ANGPT2: variants seen among roughly 807,000 people sequenced by gnomAD.
ANGPT2 encodes the protein angiopoietin 2.
ANGPT2 carries 28 observed loss-of-function variants against 62.9 expected under a neutral mutation model. The observed-to-expected ratio is 0.44, with a 90% CI of 0.33 to 0.61. The LOEUF (loss-of-function observed/expected upper bound fraction) is 0.61, where lower values mean the gene tolerates loss of function less well. ANGPT2 is among the 20% of genes least tolerant of loss of function. The probability of loss-of-function intolerance (pLI) is 0.03; values close to 1 mark genes in which losing one functional copy is unlikely to be tolerated. For missense variants in ANGPT2, 727 were observed against 594.9 expected (o/e 1.22, Z -2.31); for synonymous variants, 284 against 207.8 (o/e 1.37, Z -3.15).
chr8:6,527,660 G>C lies in ANGPT2; in HGVS notation c.461C>G (p.Thr154Arg). The C allele has an allele frequency of 6.2e-7, 1 of 1,613,610 alleles. No individual in the cohort carries two copies. The highest frequency in any genetic ancestry group is 8.5e-7 in the Non-Finnish European group (1 of 1,179,702). ...DVEAQVLNQTTRLELQLLEHS... is the reference protein window; with the variant it reads ...DVEAQVLNQTRRLELQLLEHS... ...TTCCAAGAGCTGAAGTTCAAGTCTC[G>C]TGGTCTGATTTAATACCTAAATGTA... Residue 154 changes from threonine (T) to arginine (R), a missense_variant, in exon 3 of 9, where the codon ACG (threonine) becomes AGG (arginine). Physicochemically the swap from Thr to Arg is moderately conservative, Grantham distance 71. Coordinates refer to ENST00000629816, the MANE Select transcript of ANGPT2 (RefSeq NM_001118887.2).
intron 8 of ANGPT2, among the ~76,000 whole-genome samples, chr8:6,506,050 A>C (rs1259106267): frequency 6.7e-6 from 1 of 148,474 alleles, no homozygotes; most frequent in Non-Finnish European, 1.5e-5. Context: ...CTTTATATAT[A>C]TATATGTTGT....
intron 3 of ANGPT2, among the ~76,000 whole-genome samples, chr8:6,524,254 G>T (rs1022993978): frequency 2.0e-5 from 3 of 152,112 alleles, no homozygotes; most frequent in Non-Finnish European, 4.4e-5. Flanking sequence ...ATATGTCAAT[G>T]ATGGCATCTT....
At chr8:6,517,130 T>G (rs1435782045) in intron 5 of ANGPT2, among the ~76,000 whole-genome samples, 1 of 152,232 alleles carries the variant, frequency 6.6e-6, no homozygotes, top group Non-Finnish European at 1.5e-5. Context: ...TGAGTAAAAG[T>G]GCTGAAATTG....
chr8:6,554,025 A>G (rs988425551), intron 1 of ANGPT2, among the ~76,000 whole-genome samples: 3 of 151,612 alleles, frequency 2.0e-5, no homozygotes, highest in Non-Finnish European at 4.4e-5. Context: ...TTTAACCTTC[A>G]TCCCTGAAAT....
At chr8:6,522,472 T>C (rs1817545261) in intron 3 of ANGPT2, among the ~76,000 whole-genome samples, 1 of 151,834 alleles carries the variant, frequency 6.6e-6, no homozygotes. Context: ...ATGAGGAAAT[T>C]GAAACTTAGG....
intron 5 of ANGPT2, among the ~76,000 whole-genome samples, chr8:6,515,367 G>A (rs1223968346): frequency 2.0e-5 from 3 of 152,180 alleles, no homozygotes; most frequent in Non-Finnish European, 4.4e-5. Context: ...CAAGGGCCTT[G>A]AGGCTCCAGT....
Position 6,514,661 on chromosome 8 carries a change from T to C in ANGPT2, c.1029+16A>G. On this transcript the variant is annotated intron_variant, in intron 6 of 8. Coordinates refer to ENST00000629816, the MANE Select transcript of ANGPT2 (RefSeq NM_001118887.2). The stretch of plus-strand genomic sequence containing the variant: ...CAAGGGAAATTCTTTTCTGATGCCT[T>C]AAAGAATGTCCTTACCACTTTATAT... 1 of 1,608,136 alleles carries C rather than the reference T, an allele frequency of 6.2e-7. No individual in the cohort carries two copies. The highest frequency in any genetic ancestry group is 8.5e-7 in the Non-Finnish European group (1 of 1,174,636).
intron 2 of ANGPT2, among the ~76,000 whole-genome samples, chr8:6,531,586 C>A (rs1188932999): frequency 6.6e-6 from 1 of 152,210 alleles, no homozygotes; most frequent in Non-Finnish European, 1.5e-5. Flanking sequence ...GCTACTGCGC[C>A]TGGCCACTAG....
intron 5 of ANGPT2, among the ~76,000 whole-genome samples, chr8:6,517,602 G>A (rs1471417236): frequency 2.0e-5 from 3 of 152,222 alleles, no homozygotes; most frequent in Non-Finnish European, 4.4e-5. Flanking sequence ...AGGCAGAGAA[G>A]TTGTCTGGTA....
chr8:6,506,495 A>G (rs571902259), intron 8 of ANGPT2, among the ~76,000 whole-genome samples: 1 of 152,320 alleles, frequency 6.6e-6, no homozygotes, highest in South Asian at 2.1e-4. Flanking sequence ...AGCTCAGCAC[A>G]TACGGGTGGT....
rs1376578415 is a variant in ANGPT2, at chr8:6,503,082, C to A, written c.*19G>T. ...CTTTGAAAATAGTTCGAGACAGTTC[C>A]TCAGGTGGACTGGGATGTTTAGAAA... On this transcript the variant is annotated 3_prime_UTR_variant, in exon 9 of 9. Transcript: ENST00000629816. 1 of 1,613,988 alleles carries A rather than the reference C, an allele frequency of 6.2e-7. No individual in the cohort carries two copies. The highest frequency in any genetic ancestry group is 1.1e-5 in the South Asian group (1 of 91,032).
chr8:6,558,989 T>C (rs73507193), intron 1 of ANGPT2, among the ~76,000 whole-genome samples: 9,027 of 152,246 alleles, frequency 0.059, 754 homozygotes, highest in African/African-American at 0.18. Context: ...CTGTCTCTTC[T>C]ACATTCCTTA....
rs558823454 is a variant in ANGPT2, at chr8:6,555,387, A to G, written c.288+7260T>C. ...ACTTCCAGAACAGGGCTGTAACTAG[A>G]TGTATGGTTTGTAAGAATATCCCAT... On this transcript the variant is annotated intron_variant, in intron 1 of 8. Transcript: ENST00000629816. Among the ~76,000 whole-genome samples the G allele has an allele frequency of 3.3e-5, 5 of 151,982 alleles. No homozygotes were observed. In the South Asian group the frequency reaches 8.3e-4, roughly 25 times the overall value.
chr8:6,505,375 TATATTCTTTCTATATGTATATAGA>T, intron 8 of ANGPT2, among the ~76,000 whole-genome samples: 1 of 60,900 alleles, frequency 1.6e-5, no homozygotes, highest in Non-Finnish European at 3.9e-5. Flanking sequence ...ATAGAATATA[TATATTCTTTCTATATGTATATAGA>T]ATATATATAT....
chr8:6,514,857 A>T, intron 5 of ANGPT2, 79 bp from the exon 6 acceptor site: 2 of 1,251,120 alleles, frequency 1.6e-6, no homozygotes, highest in Non-Finnish European at 2.3e-6. Context: ...AGGAATGTAG[A>T]CCCTGAGTGC....
intron 2 of ANGPT2, among the ~76,000 whole-genome samples, chr8:6,528,698 A>G (rs1289391883): frequency 6.6e-6 from 1 of 152,208 alleles, no homozygotes; most frequent in African/African-American, 2.4e-5. Flanking sequence ...CACTTCCTCC[A>G]TGTCATGCTT....
intron 8 of ANGPT2, among the ~76,000 whole-genome samples, chr8:6,505,515 TATATATTCTTTATATATGTATATATAGA>T (rs1813394765): frequency 1.5e-5 from 1 of 64,838 alleles, no homozygotes; most frequent in Admixed American, 1.7e-4. Context: ...ATATATAGAA[TATATATTCTTTATATATGTATATATAGA>T]ATATATATAC....
At chr8:6,504,621 T>G (rs144802280) in intron 8 of ANGPT2, among the ~76,000 whole-genome samples, 1 of 152,158 alleles carries the variant, frequency 6.6e-6, no homozygotes. Flanking sequence ...AGCTGTAAAG[T>G]GCTTCCTTTA....
chr8:6,562,668 G>A lies in ANGPT2; in HGVS notation c.267C>T (p.Asn89=). 6.4e-7 allele frequency: 1 copy of A among 1,566,590 alleles called. No individual in the cohort carries two copies. The highest frequency in any genetic ancestry group is 8.7e-7 in the Non-Finnish European group (1 of 1,147,518). The change falls in exon 1 of 9, where the codon AAC becomes AAT. Residue 89 remains asparagine (N), a synonymous_variant. Transcript: ENST00000629816. Reference sequence around the variant, plus strand: ...CTACCTTCATTAGCCACTGAGTGTTGTTTTCCATGATGTTCTCCAGCACTT... The same window carrying A: ...CTACCTTCATTAGCCACTGAGTGTTATTTTCCATGATGTTCTCCAGCACTT... ...RLQVLENIME[N]NTQWLMKLEN...
Sources: gnomAD v4.1 joint callset for allele counts (sites outside exome capture counted in the v4.1 genomes callset) on GRCh38, gnomAD v4.1.1 for gene constraint, MANE v1.5 for transcripts, NCBI Gene and HGNC (gene_info 2026-07-23, HGNC 2026-07-21) for gene names.